The following CCDC30 variants were observed in gnomAD, a reference collection of about 807,000 sequenced individuals.
CCDC30 encodes coiled-coil domain-containing protein 30.
Under a neutral mutation model 100.2 loss-of-function variants are expected in CCDC30, and 70 were observed. That is an observed-to-expected ratio of 0.70 (90% CI 0.58 to 0.85). The LOEUF (loss-of-function observed/expected upper bound fraction) is 0.85. Ranked by LOEUF, CCDC30 falls within the 40% of genes least tolerant of loss-of-function variation. The probability of loss-of-function intolerance (pLI) is 0.00; values close to 1 mark genes in which losing one functional copy is unlikely to be tolerated. For synonymous variants in CCDC30, 233 were observed against 269.5 expected (o/e 0.86, Z 1.33); for missense variants, 652 against 771.2 (o/e 0.85, Z 1.83).
intron 6 of CCDC30, among the ~76,000 whole-genome samples, chr1:42,553,439 G>A (rs552657448): frequency 1.7e-4 from 26 of 151,394 alleles, no homozygotes; most frequent in African/African-American, 6.0e-4. Flanking sequence ...AAAATAGGGG[G>A]AAAGTGTGTC....
intron 6 of CCDC30, among the ~76,000 whole-genome samples, chr1:42,551,484 TGA>T (rs1194897961): frequency 3.3e-5 from 5 of 152,070 alleles, no homozygotes; most frequent in Non-Finnish European, 5.9e-5. Flanking sequence ...AGCAAAAATT[TGA>T]GAGTCATGGT....
intron 6 of CCDC30, among the ~76,000 whole-genome samples, chr1:42,536,234 A>G (rs1644902102): frequency 6.6e-6 from 1 of 152,204 alleles, no homozygotes; most frequent in African/African-American, 2.4e-5. Flanking sequence ...ATACTTTCAA[A>G]ATCACATTTT....
intron 7 of CCDC30, among the ~76,000 whole-genome samples, chr1:42,570,744 A>G (rs1232895321): frequency 6.6e-6 from 1 of 152,200 alleles, no homozygotes; most frequent in Non-Finnish European, 1.5e-5. Context: ...TGTCTGCCTT[A>G]TGATAACTTT....
At chr1:42,532,609 A>G (rs1262441587) in intron 6 of CCDC30, among the ~76,000 whole-genome samples, 1 of 152,202 alleles carries the variant, frequency 6.6e-6, no homozygotes, top group African/African-American at 2.4e-5. Flanking sequence ...AATCCCAATA[A>G]CAGCGTTAGA....
chr1:42,642,476 A>C (rs1303753406), exon 13 of CCDC30: 3 of 1,555,864 alleles, frequency 1.9e-6, no homozygotes, highest in East Asian at 4.7e-5. Flanking sequence ...TCCCTAGGAG[A>C]AGGCAATACA....
chr1:42,561,331 C>T (rs1350029853), intron 6 of CCDC30, among the ~76,000 whole-genome samples: 2 of 152,174 alleles, frequency 1.3e-5, no homozygotes, highest in Non-Finnish European at 2.9e-5. Flanking sequence ...TAATCCATCA[C>T]ATAAACGGAA....
At chr1:42,595,063 T>C (rs1646258763) in intron 10 of CCDC30, 1 of 152,028 alleles carries the variant, frequency 6.6e-6, no homozygotes, top group African/African-American at 2.4e-5. Context: ...GGATATACGG[T>C]AGAACCAATG....
At chr1:42,538,396 A>T (rs1644949806) in intron 6 of CCDC30, among the ~76,000 whole-genome samples, 1 of 152,096 alleles carries the variant, frequency 6.6e-6, no homozygotes, top group Admixed American at 6.6e-5. Flanking sequence ...TGGTTAATTA[A>T]GTCACTGAAT....
chr1:42,599,043 C>T (rs1329814594), intron 10 of CCDC30, among the ~76,000 whole-genome samples: 6 of 152,098 alleles, frequency 3.9e-5, no homozygotes, highest in Admixed American at 1.3e-4. Context: ...CCAGGATCTA[C>T]ATAAGGAAGG....
chr1:42,471,514 A>G (rs1036590817), intron 1 of CCDC30, among the ~76,000 whole-genome samples: 2 of 152,176 alleles, frequency 1.3e-5, no homozygotes, highest in Admixed American at 6.5e-5. Flanking sequence ...GCATTATCAC[A>G]TATTTCTTAG....
At chr1:42,531,274 G>A (rs1644801647) in intron 6 of CCDC30, among the ~76,000 whole-genome samples, 2 of 152,108 alleles carry the variant, frequency 1.3e-5, no homozygotes, top group South Asian at 4.1e-4. Context: ...GCTTCCTGAG[G>A]CCTCCCCAGC....
At chr1:42,488,395 C>A (rs947583673) in intron 3 of CCDC30, among the ~76,000 whole-genome samples, 4 of 152,096 alleles carry the variant, frequency 2.6e-5, no homozygotes, top group Admixed American at 2.6e-4. Flanking sequence ...ATCACTTACT[C>A]ACTGAGTTCC....
intron 12 of CCDC30, among the ~76,000 whole-genome samples, chr1:42,642,096 G>A (rs748816757): frequency 2.0e-5 from 3 of 151,830 alleles, no homozygotes; most frequent in Non-Finnish European, 4.4e-5. Flanking sequence ...CGTAGTGGTG[G>A]GCACCTGTAG....
At chr1:42,519,224 G>A (rs924409525) in intron 6 of CCDC30, among the ~76,000 whole-genome samples, 1 of 152,106 alleles carries the variant, frequency 6.6e-6, no homozygotes, top group Non-Finnish European at 1.5e-5. Context: ...GTTCTTAAGG[G>A]GCATTGGCCT....
chr1:42,513,529 C>A (rs1644511298), intron 6 of CCDC30, among the ~76,000 whole-genome samples: 1 of 152,102 alleles, frequency 6.6e-6, no homozygotes, highest in South Asian at 2.1e-4. Context: ...TCCCAGGTAG[C>A]CTTTTCCTAT....
At chr1:42,621,351 G>C (rs1646826376) in intron 11 of CCDC30, among the ~76,000 whole-genome samples, 1 of 151,128 alleles carries the variant, frequency 6.6e-6, no homozygotes, top group Non-Finnish European at 1.5e-5. Context: ...GTCTTGCTTT[G>C]TTGCCCAGGC....
At chr1:42,511,704 G>A (rs1644480077) in intron 6 of CCDC30, among the ~76,000 whole-genome samples, 1 of 152,090 alleles carries the variant, frequency 6.6e-6, no homozygotes, top group African/African-American at 2.4e-5. Flanking sequence ...TGCAAAAAGG[G>A]AGGAGAATTG....
At chr1:42,457,198 C>T in the CCDC30 span, 2 of 1,611,662 alleles carry the variant, frequency 1.2e-6, no homozygotes, top group Non-Finnish European at 1.7e-6. Flanking sequence ...GGAGCTGATC[C>T]TATATCGTAC....
the CCDC30 span, chr1:42,457,557 C>T: frequency 1.7e-6 from 1 of 592,426 alleles, no homozygotes; most frequent in East Asian, 2.8e-5. Context: ...GTGATAAATG[C>T]TCTAGTGGAG....
Sources: gnomAD v4.1 joint callset for allele counts (sites outside exome capture counted in the v4.1 genomes callset) on GRCh38, gnomAD v4.1.1 for gene constraint, MANE v1.5 for transcripts, NCBI Gene and HGNC (gene_info 2026-07-23, HGNC 2026-07-21) for gene names.